ARHGEF7: variants seen among roughly 807,000 people sequenced by gnomAD.
ARHGEF7 encodes the protein Rho guanine nucleotide exchange factor 7.
Under a neutral mutation model 109.8 loss-of-function variants are expected in ARHGEF7, and 33 were observed. The ratio of observed to expected loss-of-function variants is 0.30; its 90% CI spans 0.23 to 0.40. The LOEUF (loss-of-function observed/expected upper bound fraction) is 0.40, where lower values mean the gene tolerates loss of function less well. Ranked by LOEUF, ARHGEF7 falls within the 10% of genes least tolerant of loss-of-function variation. The pLI is 1.00. For synonymous variants in ARHGEF7, 458 were observed against 424.6 expected, an observed-to-expected ratio of 1.08 and a Z score of -0.97; for missense variants, 938 against 1,098.5, an observed-to-expected ratio of 0.85 and a Z score of 2.07.
intron 1 of ARHGEF7, among the ~76,000 whole-genome samples, chr13:111,121,099 A>G (rs2067169693): frequency 6.6e-6 from 1 of 152,208 alleles, no homozygotes; most frequent in Admixed American, 6.5e-5. Context: ...CCACAGGGGC[A>G]GAGTGGGAGC....
At chr13:111,207,890 T>G (rs2082076383) in intron 3 of ARHGEF7, among the ~76,000 whole-genome samples, 1 of 152,226 alleles carries the variant, frequency 6.6e-6, no homozygotes, top group Non-Finnish European at 1.5e-5. Context: ...GATAGCTTTG[T>G]TCTTTACAAA....
At chr13:111,176,543 C>T (rs1431462163) in intron 2 of ARHGEF7, among the ~76,000 whole-genome samples, 7 of 152,194 alleles carry the variant, frequency 4.6e-5, no homozygotes, top group African/African-American at 1.4e-4. Context: ...GGGTGACCCA[C>T]GTAGCCCCTG....
intron 2 of ARHGEF7, among the ~76,000 whole-genome samples, chr13:111,181,795 A>G (rs1250693662): frequency 6.6e-6 from 1 of 152,194 alleles, no homozygotes; most frequent in Non-Finnish European, 1.5e-5. Flanking sequence ...CAGAGAGGGG[A>G]AGAAACATTC....
At chr13:111,254,303 G>A (rs1262937791) in intron 8 of ARHGEF7, among the ~76,000 whole-genome samples, 1 of 152,212 alleles carries the variant, frequency 6.6e-6, no homozygotes, top group Non-Finnish European at 1.5e-5. Context: ...TTTCTATTCT[G>A]GTGACAGTTT....
intron 1 of ARHGEF7, among the ~76,000 whole-genome samples, chr13:111,142,163 T>C (rs2153359347): frequency 6.6e-6 from 1 of 152,356 alleles, no homozygotes. Flanking sequence ...TTTTAAAAAC[T>C]AAGTTGTTTT....
At chr13:111,198,063 T>A (rs1432036637) in intron 2 of ARHGEF7, among the ~76,000 whole-genome samples, 1 of 152,098 alleles carries the variant, frequency 6.6e-6, no homozygotes, top group East Asian at 1.9e-4. Flanking sequence ...TGTTGACCGT[T>A]GGCTCAGCCT....
At chr13:111,264,532 G>A (rs2091420819) in intron 8 of ARHGEF7, among the ~76,000 whole-genome samples, 2 of 152,040 alleles carry the variant, frequency 1.3e-5, no homozygotes, top group Admixed American at 6.5e-5. Context: ...TTGTGCTGTG[G>A]GCAAGGTCCC....
intron 18 of ARHGEF7, 28 bp downstream of exon 18, chr13:111,288,471 T>TGTG: frequency 6.4e-7 from 1 of 1,560,668 alleles, no homozygotes; most frequent in South Asian, 1.1e-5. Flanking sequence ...GCCTGGGAAG[T>TGTG]GTGGTGGTTT....
chr13:111,148,071 C>T (rs1338485083), intron 1 of ARHGEF7, among the ~76,000 whole-genome samples: 5 of 152,238 alleles, frequency 3.3e-5, no homozygotes, highest in African/African-American at 9.6e-5. Flanking sequence ...CTCTGCCATG[C>T]TTCTGTAGTG....
At chr13:111,221,515 A>ATACATATC (rs2084270755) in intron 5 of ARHGEF7, among the ~76,000 whole-genome samples, 3 of 49,774 alleles carry the variant, frequency 6.0e-5, no homozygotes, top group East Asian at 9.8e-4. Flanking sequence ...ATATATATAG[A>ATACATATC]TATATATCTA....
chr13:111,283,511 G>C, intron 16 of ARHGEF7, 148 bp downstream of exon 16: 1 of 1,336,954 alleles, frequency 7.5e-7, no homozygotes, highest in Non-Finnish European at 9.9e-7. Context: ...TGGTTCTCTG[G>C]TTATCTGCTC....
At chr13:111,263,486 A>T (rs982467109) in intron 8 of ARHGEF7, among the ~76,000 whole-genome samples, 2 of 152,230 alleles carry the variant, frequency 1.3e-5, no homozygotes, top group Non-Finnish European at 2.9e-5. Context: ...GGGCTGTGGC[A>T]CTGGACCAGG....
chr13:111,180,721 G>T (rs2078650495), intron 2 of ARHGEF7, among the ~76,000 whole-genome samples: 1 of 152,342 alleles, frequency 6.6e-6, no homozygotes, highest in African/African-American at 2.4e-5. Context: ...GAGAATTAAA[G>T]ATCAGCTCCA....
At chr13:111,244,427 T>C (rs1298676332) in intron 8 of ARHGEF7, 133 bp downstream of exon 8, 1 of 618,410 alleles carries the variant, frequency 1.6e-6, no homozygotes, top group Non-Finnish European at 2.8e-6. Flanking sequence ...TTTGGGTAAA[T>C]CAGCTTTTAC....
At chr13:111,192,190 T>A (rs2079969516) in intron 2 of ARHGEF7, among the ~76,000 whole-genome samples, 1 of 152,020 alleles carries the variant, frequency 6.6e-6, no homozygotes, top group South Asian at 2.1e-4. Flanking sequence ...CCTGCAGGTT[T>A]CTCAGCGGGT....
chr13:111,299,844 C>T (rs1178142224), intron 19 of ARHGEF7, among the ~76,000 whole-genome samples: 1 of 152,124 alleles, frequency 6.6e-6, no homozygotes, highest in South Asian at 2.1e-4. Context: ...ACATGAGTGT[C>T]CCTTCTTCAT....
chr13:111,184,639 G>A (rs2079073962), intron 2 of ARHGEF7, among the ~76,000 whole-genome samples: 1 of 152,222 alleles, frequency 6.6e-6, no homozygotes, highest in Non-Finnish European at 1.5e-5. Flanking sequence ...TGGAGGGAGG[G>A]GGAGATGTGT....
chr13:111,208,687 C>T (rs767831041), intron 3 of ARHGEF7, among the ~76,000 whole-genome samples: 1 of 152,054 alleles, frequency 6.6e-6, no homozygotes, highest in Non-Finnish European at 1.5e-5. Flanking sequence ...TTGCCTGAGA[C>T]CCCTGTGTTC....
At chr13:111,231,087 C>T (rs76799508) in intron 5 of ARHGEF7, among the ~76,000 whole-genome samples, 15,671 of 152,142 alleles carry the variant, frequency 0.1, 1,113 homozygotes, top group Middle Eastern at 0.16. Flanking sequence ...TTCACTTCAC[C>T]GGCACACATG....
Sources: gnomAD v4.1 joint callset for allele counts (sites outside exome capture counted in the v4.1 genomes callset) on GRCh38, gnomAD v4.1.1 for gene constraint, MANE v1.5 for transcripts, NCBI Gene and HGNC (gene_info 2026-07-23, HGNC 2026-07-21) for gene names.